Variants in AKAP19 observed in about 807,000 individuals in gnomAD.
AKAP19 encodes the protein A-kinase anchoring protein 19.
the AKAP19 span, among the ~76,000 whole-genome samples, chr2:190,050,161 A>G: frequency 6.6e-6 from 1 of 152,342 alleles, no homozygotes; most frequent in South Asian, 2.1e-4. Flanking sequence ...GACAGGCAGC[A>G]TTTACAGACA....
At chr2:190,063,675 G>C in the AKAP19 span, among the ~76,000 whole-genome samples, 3 of 152,010 alleles carry the variant, frequency 2.0e-5, no homozygotes, top group East Asian at 1.9e-4. Flanking sequence ...CATGATAAAG[G>C]GGTGACCTTT....
the AKAP19 span, among the ~76,000 whole-genome samples, chr2:189,980,164 T>A: frequency 0.049 from 7,499 of 152,262 alleles, 289 homozygotes; most frequent in Non-Finnish European, 0.075. Flanking sequence ...TCAACCTAAG[T>A]GTCCATTAAT....
the AKAP19 span, among the ~76,000 whole-genome samples, chr2:190,128,126 A>G: frequency 1.5e-4 from 23 of 152,318 alleles, no homozygotes; most frequent in African/African-American, 5.1e-4. Flanking sequence ...GATTCTTAGT[A>G]TGAAATAGCA....
chr2:190,137,960 C>G, the AKAP19 span: 1 of 5,278 alleles, frequency 1.9e-4, no homozygotes. Context: ...AAATACACAG[C>G]TTTTTAACTA....
At chr2:190,005,790 C>G in the AKAP19 span, among the ~76,000 whole-genome samples, 3 of 152,146 alleles carry the variant, frequency 2.0e-5, no homozygotes, top group African/African-American at 7.2e-5. Context: ...GAGTATATGT[C>G]TTTAATTTAG....
the AKAP19 span, among the ~76,000 whole-genome samples, chr2:189,899,458 T>C: frequency 6.6e-6 from 1 of 152,206 alleles, no homozygotes; most frequent in Non-Finnish European, 1.5e-5. Flanking sequence ...TCTGTTATTA[T>C]TTTCATTGAG....
chr2:190,005,569 G>T, the AKAP19 span, among the ~76,000 whole-genome samples: 2 of 152,148 alleles, frequency 1.3e-5, no homozygotes, highest in Non-Finnish European at 2.9e-5. Flanking sequence ...GTTTACCCCA[G>T]ATGCTGGTCT....
the AKAP19 span, among the ~76,000 whole-genome samples, chr2:189,986,413 A>G: frequency 6.8e-6 from 1 of 147,072 alleles, no homozygotes; most frequent in South Asian, 2.2e-4. Context: ...CACAAAAAAG[A>G]AAAACAAAAA....
chr2:190,087,387 A>C, the AKAP19 span, among the ~76,000 whole-genome samples: 1 of 152,298 alleles, frequency 6.6e-6, no homozygotes, highest in Non-Finnish European at 1.5e-5. Context: ...CAAAGTGTTC[A>C]TGGGCCCATT....
the AKAP19 span, among the ~76,000 whole-genome samples, chr2:190,124,702 T>C: frequency 4.8e-4 from 73 of 152,298 alleles, 1 homozygote; most frequent in Non-Finnish European, 9.1e-4. Context: ...AGAGACCCTG[T>C]CTTTTAGCTT....
the AKAP19 span, among the ~76,000 whole-genome samples, chr2:190,087,463 A>G: frequency 6.6e-6 from 1 of 152,210 alleles, no homozygotes; most frequent in Non-Finnish European, 1.5e-5. Flanking sequence ...CATACTCTTT[A>G]CTTGATTACT....
At chr2:190,106,566 A>G in the AKAP19 span, among the ~76,000 whole-genome samples, 1,788 of 152,154 alleles carry the variant, frequency 0.012, 30 homozygotes, top group African/African-American at 0.039. Context: ...CTCTCTCCTT[A>G]CCACCAGTTA....
the AKAP19 span, among the ~76,000 whole-genome samples, chr2:190,195,448 T>C: frequency 6.6e-6 from 1 of 152,242 alleles, no homozygotes. Context: ...CAACAGTGAA[T>C]GAGAGTTCTG....
chr2:190,116,697 A>G, the AKAP19 span, among the ~76,000 whole-genome samples: 2 of 151,964 alleles, frequency 1.3e-5, no homozygotes, highest in Non-Finnish European at 2.9e-5. Flanking sequence ...ATAAATTTCC[A>G]TTTCTCTCTT....
At chr2:189,996,299 C>A in the AKAP19 span, among the ~76,000 whole-genome samples, 3 of 152,062 alleles carry the variant, frequency 2.0e-5, no homozygotes, top group East Asian at 3.8e-4. Flanking sequence ...TTTTATAATT[C>A]TTTCTTTGTC....
At chr2:190,073,906 C>T in the AKAP19 span, among the ~76,000 whole-genome samples, 1 of 151,950 alleles carries the variant, frequency 6.6e-6, no homozygotes, top group Non-Finnish European at 1.5e-5. Flanking sequence ...CAAAAATTAG[C>T]CGGGTGTGGT....
chr2:190,114,658 G>A, the AKAP19 span, among the ~76,000 whole-genome samples: 1 of 152,076 alleles, frequency 6.6e-6, no homozygotes, highest in Non-Finnish European at 1.5e-5. Context: ...GGGTTTCACC[G>A]TGTTAGCCAG....
At chr2:189,905,619 T>C in the AKAP19 span, among the ~76,000 whole-genome samples, 1 of 151,848 alleles carries the variant, frequency 6.6e-6, no homozygotes, top group Non-Finnish European at 1.5e-5. Context: ...AAAAAATGCT[T>C]CCTCCCCAAT....
the AKAP19 span, among the ~76,000 whole-genome samples, chr2:190,090,249 C>T: frequency 6.6e-6 from 1 of 152,118 alleles, no homozygotes; most frequent in Non-Finnish European, 1.5e-5. Flanking sequence ...CGAAGAAAGC[C>T]TTCTATACAC....
Sources: allele counts gnomAD v4.1 joint callset (sites outside exome capture counted in the v4.1 genomes callset), GRCh38; gene constraint gnomAD v4.1.1; transcripts MANE v1.5; gene names NCBI Gene and HGNC (gene_info 2026-07-23, HGNC 2026-07-21).